ZNF550: variants seen among roughly 807,000 people sequenced by gnomAD.
The protein encoded by ZNF550 is zinc finger protein 550.
A neutral mutation model predicts 40.2 loss-of-function variants in ZNF550; 42 were observed. That is an observed-to-expected ratio of 1.05 (90% confidence interval 0.82 to 1.35). The LOEUF (loss-of-function observed/expected upper bound fraction) is 1.35. ZNF550 is among the 40% of genes most tolerant of loss of function. The pLI is 0.00. For missense variants in ZNF550, 549 were observed against 525.2 expected (o/e 1.05, Z -0.44); for synonymous variants, 223 against 198.6 (o/e 1.12, Z -1.03).
At chr19:57,552,598 C>G (rs1430577352) in intron 3 of ZNF550, 29 bp downstream of exon 3, 1 of 1,547,348 alleles carries the variant, frequency 6.5e-7, no homozygotes, top group African/African-American at 1.4e-5. Flanking sequence ...ACTGCCATGA[C>G]TCCACATGAC....
chr19:57,553,044 T>G (rs1211890506), intron 2 of ZNF550: 1 of 214,956 alleles, frequency 4.7e-6, no homozygotes, highest in East Asian at 1.0e-4. Flanking sequence ...CAGAGAGAGA[T>G]CTCTCCTCTG....
intron 1 of ZNF550, among the ~76,000 whole-genome samples, chr19:57,559,164 G>A (rs2123376263): frequency 6.6e-6 from 1 of 152,314 alleles, no homozygotes; most frequent in East Asian, 1.9e-4. Flanking sequence ...CCAGGGAGCA[G>A]CTCCGGAAAC....
At chr19:57,547,745 C>G in exon 4 of ZNF550, 1 of 1,614,120 alleles carries the variant, frequency 6.2e-7, no homozygotes, top group Non-Finnish European at 8.5e-7. Flanking sequence ...GAGTGCAGAC[C>G]ATCATCTGTC....
At chr19:57,559,853 C>G (rs750856031) in exon 1 of ZNF550, 1 of 506,286 alleles carries the variant, frequency 2.0e-6, no homozygotes, top group South Asian at 6.6e-5. Flanking sequence ...GCCAGCGAGG[C>G]CGGAAGTCCC....
At chr19:57,556,130 G>A (rs1471033896) in intron 2 of ZNF550, 101 bp downstream of exon 2, 1 of 1,499,848 alleles carries the variant, frequency 6.7e-7, no homozygotes. Flanking sequence ...GGTGGGAACA[G>A]AAAGGTCTGT....
intron 4 of ZNF550, among the ~76,000 whole-genome samples, chr19:57,545,873 C>T (rs1026496538): frequency 1.3e-5 from 2 of 152,020 alleles, no homozygotes; most frequent in Non-Finnish European, 2.9e-5. Context: ...ATTAGCCAGG[C>T]GTAGTGGTGT....
At chr19:57,560,115 C>T (rs188497055), upstream of ZNF550, among the ~76,000 whole-genome samples, 204 of 152,314 alleles carry the variant, frequency 1.3e-3, 2 homozygotes, top group African/African-American at 4.7e-3. Flanking sequence ...GCCCAGGCAC[C>T]CAGGTAAACG....
At chr19:57,547,786 C>T in exon 4 of ZNF550, 1 of 1,614,124 alleles carries the variant, frequency 6.2e-7, no homozygotes. Flanking sequence ...GCTCACTTTC[C>T]CAAGATGGGT....
chr19:57,556,741 T>G (rs1342920931), intron 1 of ZNF550: 2 of 201,076 alleles, frequency 9.9e-6, no homozygotes, highest in African/African-American at 4.8e-5. Flanking sequence ...AGACCGTTAC[T>G]GTGTCTATGT....
In ZNF550 at chr19:57,544,368, A is replaced by G. The variant is rs566666562; in HGVS notation, c.*519-1125T>C. 773 of 985,370 alleles carry G rather than the reference A, an allele frequency of 7.8e-4. 1 individual carries two copies. The highest frequency in any genetic ancestry group is 9.0e-4 in the Non-Finnish European group (749 of 829,976). 61.0% of individuals were successfully genotyped at this position (985,370 alleles called of 1,614,324 possible). On this transcript the variant is annotated intron_variant, in intron 4 of 4. Transcript: ENST00000457177. ...TGGAAAACACTCCTGCTTTGGGACA[A>G]ACTGGGGCCTAGGTCCTCAGGCCTG...
At chr19:57,555,414 C>T in intron 2 of ZNF550, 1 of 152,720 alleles carries the variant, frequency 6.5e-6, no homozygotes, top group Non-Finnish European at 1.5e-5. Context: ...TGTTGGCTCA[C>T]TGCAACCTCC....
At chr19:57,560,996 G>A (rs1302054163), upstream of ZNF550, among the ~76,000 whole-genome samples, 1 of 152,182 alleles carries the variant, frequency 6.6e-6, no homozygotes, top group Non-Finnish European at 1.5e-5. Context: ...TGGAAAAGGA[G>A]GGAAATTCAG....
rs565108108 is a variant in ZNF550 at position 57,546,740 on chromosome 19, A to G, written c.*235T>C. The G allele has an allele frequency of 4.3e-3, 5,483 of 1,284,302 alleles. 10 individuals are homozygous for G. The highest frequency in any genetic ancestry group is 5.0e-3 in the Non-Finnish European group (5,070 of 1,014,718). 79.6% of individuals were successfully genotyped at this position (1,284,302 alleles called of 1,614,324 possible). ...TCCCCCTGGTATGAATCCTTCTGCA[A>G]TGAGTGAGAACTGAGTGGTGACTGA... On this transcript the variant is annotated 3_prime_UTR_variant, in exon 4 of 5. Transcript: ENST00000457177.
Position 57,543,243 on chromosome 19 carries a change from TC to T in ZNF550, c.*519-1del. On this transcript the variant is annotated splice_acceptor_variant, in intron 4 of 4. Coordinates refer to ENST00000457177, the Ensembl canonical transcript of ZNF550. LOFTEE classifies it low-confidence loss of function (3UTR_SPLICE). ...TCTCTTTTCAACCTTAAGCAGTTTTTCTGAAATTATAAAATTTACTGTGAAC... is the reference window on the plus strand; with the variant it reads ...TCTCTTTTCAACCTTAAGCAGTTTTTTGAAATTATAAAATTTACTGTGAAC... The T allele has an allele frequency of 1.1e-6, 1 of 944,662 alleles. No homozygotes were observed. Among genetic ancestry groups the T allele is most frequent in the Non-Finnish European group, 1.3e-6 (1 of 792,740 alleles). The allele number at this position is 944,662 out of a possible 1,614,324, so 58.5% of individuals were successfully genotyped here. A position where few individuals can be genotyped will look rare whatever the true frequency, so the allele number is the denominator to read the frequency against.
intron 3 of ZNF550, among the ~76,000 whole-genome samples, chr19:57,548,251 G>A (rs2090042238): frequency 6.6e-6 from 1 of 152,110 alleles, no homozygotes; most frequent in African/African-American, 2.4e-5. Context: ...ACAGTTCAGA[G>A]TAAGGAAGAG....
chr19:57,556,715 GA>G (rs775215827), intron 1 of ZNF550: 1 of 212,634 alleles, frequency 4.7e-6, no homozygotes, highest in Non-Finnish European at 9.5e-6. Flanking sequence ...AAGTGTGGGG[GA>G]AAGAAAAATA....
At chr19:57,548,149 C>A (rs980075725) in intron 3 of ZNF550, among the ~76,000 whole-genome samples, 156 bp from the exon 4 acceptor site, 2 of 152,182 alleles carry the variant, frequency 1.3e-5, no homozygotes, top group Non-Finnish European at 1.5e-5. Flanking sequence ...ATACTGCTTA[C>A]GGTCCTTGTA....
At chr19:57,547,823 T>A in exon 4 of ZNF550, 1 of 1,614,172 alleles carries the variant, frequency 6.2e-7, no homozygotes, top group Non-Finnish European at 8.5e-7. Flanking sequence ...GTCTCCGGTG[T>A]CACTTTACCT....
upstream of ZNF550, among the ~76,000 whole-genome samples, chr19:57,560,704 A>T (rs911087177): frequency 2.0e-5 from 3 of 152,066 alleles, no homozygotes; most frequent in Non-Finnish European, 2.9e-5. Context: ...AACCATTTTT[A>T]TACTAAATGT....
Sources: gnomAD v4.1 joint callset for allele counts (sites outside exome capture counted in the v4.1 genomes callset) on GRCh38, gnomAD v4.1.1 for gene constraint, MANE v1.5 for transcripts, NCBI Gene and HGNC (gene_info 2026-07-23, HGNC 2026-07-21) for gene names.